The following MAF variants were observed in gnomAD, a reference collection of about 807,000 sequenced individuals.
MAF encodes the protein MAF bZIP transcription factor.
MAF carries 10 observed loss-of-function variants against 22.0 expected under a neutral mutation model. That is an observed-to-expected ratio of 0.45 (90% CI 0.28 to 0.77). The LOEUF is 0.77. MAF is among the 30% of genes least tolerant of loss of function. The probability of loss-of-function intolerance (pLI) is 0.12; values close to 1 mark genes in which losing one functional copy is unlikely to be tolerated. For missense variants in MAF, 544 were observed against 548.4 expected (o/e 0.99, Z 0.08); for synonymous variants, 337 against 255.8 (o/e 1.32, Z -3.03).
the MAF span, among the ~76,000 whole-genome samples, chr16:79,317,031 T>A: frequency 6.6e-6 from 1 of 152,150 alleles, no homozygotes; most frequent in Non-Finnish European, 1.5e-5. Context: ...AAGTAAGAGA[T>A]GGAGCCAAGA....
At chr16:79,379,500 T>TGC in the MAF span, among the ~76,000 whole-genome samples, 1 of 93,652 alleles carries the variant, frequency 1.1e-5, no homozygotes, top group East Asian at 2.2e-4. Flanking sequence ...CTGGTGGAAG[T>TGC]GCACACACAC....
the MAF span, among the ~76,000 whole-genome samples, chr16:79,435,935 T>A: frequency 6.6e-6 from 1 of 152,126 alleles, no homozygotes; most frequent in Non-Finnish European, 1.5e-5. Context: ...TTTGGAAAAT[T>A]CATTAGCAAG....
the MAF span, among the ~76,000 whole-genome samples, chr16:79,518,636 A>G: frequency 6.6e-6 from 1 of 152,246 alleles, no homozygotes; most frequent in Non-Finnish European, 1.5e-5. Context: ...AACACTTTAC[A>G]TAGTAAAGTT....
Position 79,599,141 on chromosome 16 carries a change from G to A in MAF, c.762C>T (p.Gly254=). 6.4e-7 allele frequency: 1 copy of A among 1,565,916 alleles called. No homozygotes were observed. The highest frequency in any genetic ancestry group is 8.6e-7 in the Non-Finnish European group (1 of 1,162,614). Residue 254 remains glycine (G), a synonymous_variant, in exon 1 of 2, where the codon GGC becomes GGT. Coordinates refer to ENST00000326043, the MANE Select transcript of MAF (RefSeq NM_005360.5). ...CGGAGAAGCGGTCGTCGAAGTGCAG[G>A]CCGCCGGCGGCGTGGTGCGGGTGCA... ...GALHPHHAAG[G]LHFDDRFSDE...
the MAF span, among the ~76,000 whole-genome samples, chr16:79,508,906 G>A: frequency 6.6e-6 from 1 of 152,112 alleles, no homozygotes; most frequent in Non-Finnish European, 1.5e-5. Context: ...GGCTTCCTTT[G>A]GAATGGGGGG....
chr16:79,344,086 A>C, the MAF span, among the ~76,000 whole-genome samples: 1 of 152,180 alleles, frequency 6.6e-6, no homozygotes, highest in South Asian at 2.1e-4. Flanking sequence ...CCAAGAGCTG[A>C]TCCAAGGAAT....
At chr16:79,515,940 G>A in the MAF span, 1 of 147,056 alleles carries the variant, frequency 6.8e-6, no homozygotes, top group African/African-American at 2.5e-5. Context: ...CATGTTACTT[G>A]GACAAAAATT....
the MAF span, among the ~76,000 whole-genome samples, chr16:79,243,561 G>T: frequency 6.6e-6 from 1 of 151,970 alleles, no homozygotes; most frequent in Non-Finnish European, 1.5e-5. Context: ...TTCTGAAAAT[G>T]ATGCAGTAAT....
At chr16:79,346,821 T>C in the MAF span, among the ~76,000 whole-genome samples, 2 of 152,196 alleles carry the variant, frequency 1.3e-5, no homozygotes, top group African/African-American at 4.8e-5. Context: ...AATACCCAAA[T>C]ACCGTCCTTT....
chr16:79,539,676 C>A, the MAF span, among the ~76,000 whole-genome samples: 1 of 152,026 alleles, frequency 6.6e-6, no homozygotes, highest in African/African-American at 2.4e-5. Flanking sequence ...TCTAAACATC[C>A]AATAATAGTT....
the MAF span, among the ~76,000 whole-genome samples, chr16:79,460,492 A>G: frequency 6.6e-6 from 1 of 152,208 alleles, no homozygotes; most frequent in Non-Finnish European, 1.5e-5. Context: ...CATTCCTGCA[A>G]CATTATGATA....
chr16:79,350,640 G>C, the MAF span, among the ~76,000 whole-genome samples: 1 of 152,146 alleles, frequency 6.6e-6, no homozygotes, highest in Admixed American at 6.5e-5. Flanking sequence ...CCAACAGTGG[G>C]CTGGAGAGGG....
At chr16:79,511,078 T>A in the MAF span, among the ~76,000 whole-genome samples, 1 of 139,170 alleles carries the variant, frequency 7.2e-6, no homozygotes, top group Admixed American at 7.6e-5. Flanking sequence ...ATGAGCTGAC[T>A]CATGAGAATC....
chr16:79,553,321 G>T, the MAF span, among the ~76,000 whole-genome samples: 17 of 152,322 alleles, frequency 1.1e-4, no homozygotes, highest in East Asian at 3.3e-3. Flanking sequence ...TTGGCTGAGT[G>T]GCTTCCAATG....
chr16:79,515,603 G>C, the MAF span, among the ~76,000 whole-genome samples: 1 of 152,200 alleles, frequency 6.6e-6, no homozygotes, highest in Admixed American at 6.5e-5. Context: ...GACATTTTCA[G>C]TGCATGGTTT....
chr16:79,328,230 C>A, the MAF span, among the ~76,000 whole-genome samples: 1 of 152,030 alleles, frequency 6.6e-6, no homozygotes, highest in Non-Finnish European at 1.5e-5. Flanking sequence ...CATTGCCTGG[C>A]CAATATCATC....
the MAF span, among the ~76,000 whole-genome samples, chr16:79,441,820 T>A: frequency 3.9e-5 from 6 of 152,242 alleles, no homozygotes; most frequent in Non-Finnish European, 8.8e-5. Context: ...TATGTGTAAA[T>A]AGAGCCTTCA....
the MAF span, among the ~76,000 whole-genome samples, chr16:79,209,741 A>G: frequency 2.4e-4 from 37 of 152,330 alleles, no homozygotes; most frequent in African/African-American, 7.7e-4. Flanking sequence ...CAATTCTCCA[A>G]TTTGTCTTTA....
the MAF span, among the ~76,000 whole-genome samples, chr16:79,486,801 T>C: frequency 6.6e-6 from 1 of 152,222 alleles, no homozygotes; most frequent in South Asian, 2.1e-4. Context: ...TCCTGTTGCT[T>C]TTCACCTTGG....
Sources: allele counts gnomAD v4.1 joint callset (sites outside exome capture counted in the v4.1 genomes callset), GRCh38; gene constraint gnomAD v4.1.1; transcripts MANE v1.5; gene names NCBI Gene and HGNC (gene_info 2026-07-23, HGNC 2026-07-21).